Variants in ADGB observed in about 807,000 individuals in gnomAD.
The protein encoded by ADGB is calpain-7-like protein.
ADGB carries 172 observed loss-of-function variants against 210.5 expected under a neutral mutation model. The ratio of observed to expected loss-of-function variants is 0.82; its 90% CI spans 0.72 to 0.93. The LOEUF (loss-of-function observed/expected upper bound fraction) is 0.93. ADGB is among the 40% of genes least tolerant of loss of function. The pLI, the probability that ADGB is intolerant of heterozygous loss-of-function variation, is 0.00. For synonymous variants in ADGB, 658 were observed against 662.7 expected (o/e 0.99, Z 0.11); for missense variants, 2,025 against 1,964.8 (o/e 1.03, Z -0.58).
chr6:146,802,670 T>C, intron 35 of ADGB: 1 of 923,180 alleles, frequency 1.1e-6, no homozygotes, highest in Non-Finnish European at 1.6e-6. Context: ...TTATGTGGCT[T>C]TTTAAAAGAA....
intron 21 of ADGB, among the ~76,000 whole-genome samples, 168 bp downstream of exon 21, chr6:146,733,423 C>T (rs556359178): frequency 5.3e-4 from 81 of 152,158 alleles, no homozygotes; most frequent in African/African-American, 1.9e-3. Flanking sequence ...CTGGGGATCC[C>T]CTACCCCTAA....
chr6:146,752,660 G>T lies in ADGB; in HGVS notation c.3496G>T (p.Ala1166Ser), dbSNP rs139177211. ...GGTGAGCTCCACTGGAAAAGGCCAAGCTATAATCCCAGCATTTCACTTCTT... is the reference window on the plus strand; with the variant it reads ...GGTGAGCTCCACTGGAAAAGGCCAATCTATAATCCCAGCATTTCACTTCTT... ...TMVSSTGKGQAIIPAFHFLKS... is the reference protein window; with the variant it reads ...TMVSSTGKGQSIIPAFHFLKS... The change falls in exon 27 of 36, where the codon GCT becomes TCT. Residue 1166 changes from alanine (A) to serine (S), a missense_variant. Ala to Ser is a moderately conservative substitution (Grantham distance 99). Coordinates refer to ENST00000397944, the MANE Select transcript of ADGB (RefSeq NM_024694.4). 1.6e-4 allele frequency: 241 copies of T among 1,550,898 alleles called. 1 individual carries two copies. In the South Asian group the frequency reaches 2.8e-3, roughly 18 times the overall value.
At chr6:146,671,819 C>A (rs906427098) in intron 7 of ADGB, among the ~76,000 whole-genome samples, 2 of 152,112 alleles carry the variant, frequency 1.3e-5, no homozygotes, top group African/African-American at 4.8e-5. Context: ...AAGCAAGAAA[C>A]AACACTGTCA....
intron 13 of ADGB, among the ~76,000 whole-genome samples, chr6:146,712,350 A>G (rs955887105): frequency 7.6e-6 from 1 of 131,104 alleles, no homozygotes; most frequent in Non-Finnish European, 1.5e-5. Flanking sequence ...ACACCAGGCT[A>G]ATTTTTTTGT....
intron 1 of ADGB, among the ~76,000 whole-genome samples, chr6:146,631,795 G>A (rs1781069448): frequency 6.6e-6 from 1 of 152,032 alleles, no homozygotes; most frequent in Admixed American, 6.6e-5. Flanking sequence ...AAATGATGCA[G>A]AGAAGCACCT....
intron 2 of ADGB, chr6:146,639,727 A>C (rs1015820595): frequency 6.6e-6 from 1 of 151,976 alleles, no homozygotes; most frequent in Non-Finnish European, 1.5e-5. Flanking sequence ...GCATATACTA[A>C]AATTGGAATG....
At chr6:146,745,588 C>T (rs1033301315) in intron 25 of ADGB, among the ~76,000 whole-genome samples, 2 of 152,172 alleles carry the variant, frequency 1.3e-5, no homozygotes, top group Non-Finnish European at 2.9e-5. Flanking sequence ...TTGGGCTACT[C>T]TGGGATGGTG....
At chr6:146,636,703 T>C (rs1775428643) in intron 2 of ADGB, among the ~76,000 whole-genome samples, 1 of 151,862 alleles carries the variant, frequency 6.6e-6, no homozygotes, top group Non-Finnish European at 1.5e-5. Flanking sequence ...CACAATCTCA[T>C]CCATAACTCT....
intron 29 of ADGB, 133 bp from the exon 30 acceptor site, chr6:146,781,887 A>C (rs905509947): frequency 2.2e-5 from 14 of 622,662 alleles, no homozygotes; most frequent in Non-Finnish European, 3.1e-5. Context: ...GGCCTTTATA[A>C]AAATCTGTGT....
At chr6:146,809,724 C>T (rs554413715) in intron 35 of ADGB, among the ~76,000 whole-genome samples, 3 of 152,156 alleles carry the variant, frequency 2.0e-5, no homozygotes, top group African/African-American at 7.2e-5. Flanking sequence ...GAAAGAAAAT[C>T]GTTTCAAAAA....
chr6:146,616,190 C>G (rs1025463690), intron 1 of ADGB, among the ~76,000 whole-genome samples: 4 of 150,716 alleles, frequency 2.7e-5, no homozygotes, highest in Admixed American at 2.6e-4. Context: ...TTTGTATATG[C>G]CTGTTGGCCA....
chr6:146,716,725 C>T (rs1190225263), intron 14 of ADGB, among the ~76,000 whole-genome samples, 158 bp from the exon 15 acceptor site: 1 of 151,844 alleles, frequency 6.6e-6, no homozygotes, highest in Non-Finnish European at 1.5e-5. Context: ...TGAAATGTGT[C>T]CCTGTGTGGA....
chr6:146,617,683 T>C (rs1780824167), intron 1 of ADGB, among the ~76,000 whole-genome samples: 1 of 152,106 alleles, frequency 6.6e-6, no homozygotes, highest in Non-Finnish European at 1.5e-5. Flanking sequence ...GCATTTTCAA[T>C]TATCTATTGA....
chr6:146,732,739 T>G (rs76706614), intron 20 of ADGB, among the ~76,000 whole-genome samples: 1 of 152,304 alleles, frequency 6.6e-6, no homozygotes, highest in East Asian at 1.9e-4. Flanking sequence ...TCATTTTATG[T>G]AGCATATGAA....
intron 26 of ADGB, among the ~76,000 whole-genome samples, chr6:146,748,675 C>T (rs532203282): frequency 6.6e-6 from 1 of 152,240 alleles, no homozygotes; most frequent in East Asian, 1.9e-4. Flanking sequence ...AAACTAACTC[C>T]TGCCTCAAGC....
chr6:146,710,204 ATTC>A (rs1776640354), intron 13 of ADGB, among the ~76,000 whole-genome samples: 1 of 151,532 alleles, frequency 6.6e-6, no homozygotes, highest in Non-Finnish European at 1.5e-5. Context: ...AATTTGCCCT[ATTC>A]TTAGGTCATA....
At chr6:146,771,908 G>T (rs1777657883) in intron 29 of ADGB, among the ~76,000 whole-genome samples, 1 of 152,184 alleles carries the variant, frequency 6.6e-6, no homozygotes, top group African/African-American at 2.4e-5. Flanking sequence ...ATGGATCAGA[G>T]AATGACAGCC....
At chr6:146,628,568 T>A (rs1218161119) in intron 1 of ADGB, among the ~76,000 whole-genome samples, 4 of 152,002 alleles carry the variant, frequency 2.6e-5, no homozygotes, top group African/African-American at 9.7e-5. Flanking sequence ...TTATTTCCTC[T>A]TCCCTGCATT....
At chr6:146,748,450 A>G (rs1362867567) in intron 26 of ADGB, among the ~76,000 whole-genome samples, 1 of 152,126 alleles carries the variant, frequency 6.6e-6, no homozygotes, top group Non-Finnish European at 1.5e-5. Flanking sequence ...AGGCTGTGGG[A>G]GAGAACCTGT....
Sources: gnomAD v4.1 joint callset for allele counts (sites outside exome capture counted in the v4.1 genomes callset) on GRCh38, gnomAD v4.1.1 for gene constraint, MANE v1.5 for transcripts, NCBI Gene and HGNC (gene_info 2026-07-23, HGNC 2026-07-21) for gene names.